TEDC2: variants seen among roughly 807,000 people sequenced by gnomAD.
The protein encoded by TEDC2 is tubulin epsilon and delta complex protein 2.
A neutral mutation model predicts 48.1 loss-of-function variants in TEDC2; 49 were observed. That is an observed-to-expected ratio of 1.02 (90% CI 0.81 to 1.29). TEDC2 has a LOEUF of 1.29. Ranked by LOEUF, TEDC2 falls within the 50% of genes most tolerant of loss-of-function variation. The pLI is 0.00. For synonymous variants in TEDC2, 299 were observed against 247.1 expected (o/e 1.21, Z -1.97); for missense variants, 631 against 571.4 (o/e 1.10, Z -1.06).
chr16:2,463,647 A>T (rs1303614333), intron 8 of TEDC2, among the ~76,000 whole-genome samples: 4 of 151,734 alleles, frequency 2.6e-5, no homozygotes, highest in African/African-American at 9.7e-5. Context: ...AAAAAAGAGA[A>T]AGTAGCTCGT....
Position 2,464,748 on chromosome 16 carries a change from A to T in TEDC2, c.*80A>T. The stretch of plus-strand genomic sequence containing the variant: ...TGGCACTGTGCTCGGGGACCCAGAG[A>T]TGCCTGTGCTTCCCTGGGAAACCTG... On this transcript the variant is annotated 3_prime_UTR_variant, in exon 10 of 10. Coordinates refer to ENST00000361837, the MANE Select transcript of TEDC2 (RefSeq NM_025108.3). 2.6e-6 allele frequency: 4 copies of T among 1,567,300 alleles called. No homozygotes were observed.
Position 2,464,891 on chromosome 16 carries a change from C to G in TEDC2, c.*223C>G, listed in dbSNP as rs1334762776. On this transcript the variant is annotated 3_prime_UTR_variant, in exon 10 of 10. Coordinates refer to ENST00000361837, the MANE Select transcript of TEDC2 (RefSeq NM_025108.3). ...TCCAGAGGCCAGCGGGGAGCCTTTC[C>G]TGGCTCCCTCTGTTTTCTCTCACTG... The G allele has an allele frequency of 3.4e-6, 2 of 592,240 alleles. No individual in the cohort carries two copies. The highest frequency in any genetic ancestry group is 6.0e-5 in the East Asian group (2 of 33,448). The allele number at this position is 592,240 out of a possible 1,614,324, so 36.7% of individuals were successfully genotyped here.
chr16:2,462,201 G>A lies in TEDC2; in HGVS notation c.712G>A (p.Ala238Thr), dbSNP rs767977041. 10 of 1,613,290 alleles carry A rather than the reference G, an allele frequency of 6.2e-6. No individual in the cohort carries two copies. The highest frequency in any genetic ancestry group is 2.7e-5 in the African/African-American group (2 of 74,940). Residue 238 changes from alanine (A) to threonine (T), a missense_variant, in exon 6 of 10, where the codon GCT (alanine) becomes ACT (threonine). Ala to Thr is a moderately conservative substitution (Grantham distance 58, BLOSUM62 0). Coordinates refer to ENST00000361837, the MANE Select transcript of TEDC2 (RefSeq NM_025108.3). Reference protein sequence around the residue: ...TQTSDSTDAAAAKTQFLQNMQ... With the variant: ...TQTSDSTDAATAKTQFLQNMQ... ...GACCAGTGATTCCACGGATGCCGCC[G>A]CTGCCAAAACCCAGTTCCTCCAGAA...
chr16:2,461,417 C>G (rs774362164), intron 4 of TEDC2, 193 bp downstream of exon 4: 36 of 762,926 alleles, frequency 4.7e-5, no homozygotes, highest in Non-Finnish European at 6.8e-5. Context: ...ACCATCAGGT[C>G]AGGGAAGTAC....
chr16:2,460,283 G>C lies in TEDC2; in HGVS notation c.27G>C (p.Arg9=). 1 of 1,526,246 alleles carries C rather than the reference G, an allele frequency of 6.6e-7. No individual in the cohort carries two copies. The highest frequency in any genetic ancestry group is 8.8e-7 in the Non-Finnish European group (1 of 1,142,012). 94.5% of individuals were successfully genotyped at this position (1,526,246 alleles called of 1,614,324 possible). A position where few individuals can be genotyped will look rare whatever the true frequency, so the allele number is the denominator to read the frequency against. Residue 9 remains arginine (R), a splice_region_variant and synonymous_variant, in exon 2 of 10, where the codon CGG becomes CGC. Coordinates refer to ENST00000361837, the MANE Select transcript of TEDC2 (RefSeq NM_025108.3). ...GCTGAGCCGCCGGTGCGTCCCCCAG[G>C]CTGGTGGCCGAGCTGCAGGGCGCCC... is the stretch of plus-strand genomic sequence containing the variant. The part of the protein sequence containing the change: MLPAGCSR[R]LVAELQGALD...
intron 6 of TEDC2, 62 bp downstream of exon 6, chr16:2,462,301 A>C: frequency 6.2e-7 from 1 of 1,605,670 alleles, no homozygotes; most frequent in Non-Finnish European, 8.5e-7. Context: ...GCAGGTTTGC[A>C]GAGCAGCCCC....
In TEDC2 at chr16:2,462,215, G is replaced by T; in HGVS notation, c.726G>T (p.Gln242His). ...CGGATGCCGCCGCTGCCAAAACCCA[G>T]TTCCTCCAGAACATGCAGACAGCTG... ...DSTDAAAAKT[Q>H]FLQNMQTASG... Residue 242 changes from glutamine (Q) to histidine (H), a missense_variant, in exon 6 of 10, where the codon CAG becomes CAT. Transcript: ENST00000361837. The T allele has an allele frequency of 6.2e-7, 1 of 1,613,408 alleles. No homozygotes were observed. The highest frequency in any genetic ancestry group is 2.2e-5 in the East Asian group (1 of 44,882).
chr16:2,464,003 T>C, intron 8 of TEDC2, 36 bp from the exon 9 acceptor site: 1 of 1,586,524 alleles, frequency 6.3e-7, no homozygotes. Context: ...TGGGTTCGGC[T>C]GCTACCCCAA....
chr16:2,464,943 T>C lies in TEDC2; in HGVS notation c.*275T>C. 1 of 476,554 alleles carries C rather than the reference T, an allele frequency of 2.1e-6. No individual in the cohort carries two copies. Among genetic ancestry groups the C allele is most frequent in the Non-Finnish European group, 3.8e-6 (1 of 266,378 alleles). The allele number at this position is 476,554 out of a possible 1,614,324, so 29.5% of individuals were successfully genotyped here. ...AGACCAAAGAGCCGCTTGTGTGATA[T>C]TAAAGCCACTTTAGAAAGCATTTGT... On this transcript the variant is annotated 3_prime_UTR_variant, in exon 10 of 10. Transcript: ENST00000361837.
At position 2,464,613 on chromosome 16, in the gene TEDC2, T is replaced by C. The variant is rs769272170; in HGVS notation, c.1247T>C (p.Leu416Pro). The C allele has an allele frequency of 1.2e-6, 2 of 1,612,400 alleles. No individual in the cohort carries two copies. The highest frequency in any genetic ancestry group is 1.7e-6 in the Non-Finnish European group (2 of 1,179,956). ...CTGTGCCGGGCTGTGCACAGCCTGC[T>C]CTGCGAGGGAGGAGCACGTGTCCTT... ...LALCRAVHSL[L>P]CEGGARVLTI... Residue 416 changes from leucine (L) to proline (P), a missense_variant, in exon 10 of 10, where the codon CTC becomes CCC. Leu to Pro is a moderately conservative substitution (Grantham distance 98). Coordinates refer to ENST00000361837, the MANE Select transcript of TEDC2 (RefSeq NM_025108.3).
rs1011321949 is a variant in TEDC2 at position 2,464,161 on chromosome 16, G to A, written c.1087G>A (p.Glu363Lys). The A allele has an allele frequency of 1.2e-6, 2 of 1,612,584 alleles. No homozygotes were observed. Among genetic ancestry groups the A allele is most frequent in the African/African-American group, 1.3e-5 (1 of 74,932 alleles). ...PQLLVYSSTQ[E>K]LQTLAALKLR... is the part of the protein sequence containing the mutation. ...GCTGCTTGTCTACTCCAGCACCCAGGAGCTGCAGACCCTGGCGGCCCTCAA... is the reference window on the plus strand; with the variant it reads ...GCTGCTTGTCTACTCCAGCACCCAGAAGCTGCAGACCCTGGCGGCCCTCAA... The change falls in exon 9 of 10, where the codon GAG (glutamate) becomes AAG (lysine). Residue 363 changes from glutamate (E) to lysine (K), a missense_variant. Coordinates refer to ENST00000361837, the MANE Select transcript of TEDC2 (RefSeq NM_025108.3).
intron 2 of TEDC2, 35 bp downstream of exon 2, chr16:2,460,416 C>T (rs1211041273): frequency 1.9e-6 from 3 of 1,541,646 alleles, no homozygotes; most frequent in East Asian, 2.5e-5. Context: ...CCAGACCTCC[C>T]TCGGGCCCTC....
At chr16:2,460,513 C>T (rs1355997446) in intron 2 of TEDC2, 110 bp from the exon 3 acceptor site, 6 of 1,523,882 alleles carry the variant, frequency 3.9e-6, no homozygotes, top group African/African-American at 1.4e-5. Context: ...ACCCTCCTTA[C>T]CCTGCAGGCT....
chr16:2,464,695 T>C lies in TEDC2; in HGVS notation c.*27T>C, dbSNP rs1306756712. ...CCTTTCCCATGCTGCCCTCGGCCTGTTCAGATGGGGATTGGGGGTGTCTTC... is the reference window on the plus strand; with the variant it reads ...CCTTTCCCATGCTGCCCTCGGCCTGCTCAGATGGGGATTGGGGGTGTCTTC... On this transcript the variant is annotated 3_prime_UTR_variant, in exon 10 of 10. Coordinates refer to ENST00000361837, the MANE Select transcript of TEDC2 (RefSeq NM_025108.3). The C allele has an allele frequency of 6.2e-7, 1 of 1,612,028 alleles. No homozygotes were observed. The highest frequency in any genetic ancestry group is 8.5e-7 in the Non-Finnish European group (1 of 1,179,672).
In TEDC2 at chr16:2,462,402, GACCCAT is replaced by G; in HGVS notation, c.751-11_751-6del. 1 of 1,611,808 alleles carries G rather than the reference GACCCAT, an allele frequency of 6.2e-7. No individual in the cohort carries two copies. Among genetic ancestry groups the G allele is most frequent in the Non-Finnish European group, 8.5e-7 (1 of 1,179,772 alleles). ...GCTTTGGCTGCAGGGAAGTTTTCCT[GACCCAT>G]ATCCAGTCAGGCGGGCCCCAGCCCA... On this transcript the variant is annotated splice_polypyrimidine_tract_variant and splice_region_variant and intron_variant, in intron 6 of 9. Coordinates refer to ENST00000361837, the MANE Select transcript of TEDC2 (RefSeq NM_025108.3).
chr16:2,462,109 C>A (rs765619163), intron 5 of TEDC2, 40 bp from the exon 6 acceptor site: 1 of 1,592,966 alleles, frequency 6.3e-7, no homozygotes, highest in Non-Finnish European at 8.6e-7. Context: ...TAACCGTGTC[C>A]CTCTGTGGTT....
At chr16:2,461,312 G>T in intron 4 of TEDC2, 88 bp downstream of exon 4, 1 of 1,398,698 alleles carries the variant, frequency 7.1e-7, no homozygotes, top group Non-Finnish European at 9.4e-7. Flanking sequence ...TGGGGTGACA[G>T]GGAAGGCAGG....
At chr16:2,462,089 C>CA in intron 5 of TEDC2, 60 bp from the exon 6 acceptor site, 1 of 1,559,206 alleles carries the variant, frequency 6.4e-7, no homozygotes, top group Non-Finnish European at 8.8e-7. Flanking sequence ...GCCCAGCTTA[C>CA]TGGCTGGAAT....
At position 2,460,880 on chromosome 16, in the gene TEDC2, T is replaced by C. The variant is rs772238766; in HGVS notation, c.261T>C (p.Ala87=). 6.2e-7 allele frequency: 1 copy of C among 1,613,508 alleles called. No individual in the cohort carries two copies. The highest frequency in any genetic ancestry group is 8.5e-7 in the Non-Finnish European group (1 of 1,179,990). ...LEFLTQALEK[A]VRVRRGITKA... ...TTCTGACCCAGGCACTGGAGAAGGC[T>C]GTACGAGTTCGAAGAGGCATCACTA... Residue 87 remains alanine, a synonymous_variant, in exon 4 of 10, where the codon GCT becomes GCC. Transcript: ENST00000361837.
Sources: gnomAD v4.1 joint callset for allele counts (sites outside exome capture counted in the v4.1 genomes callset) on GRCh38, gnomAD v4.1.1 for gene constraint, MANE v1.5 for transcripts, NCBI Gene and HGNC (gene_info 2026-07-23, HGNC 2026-07-21) for gene names.